Variants in VRK2 observed in about 807,000 individuals in gnomAD.
The protein encoded by VRK2 is serine/threonine-protein kinase VRK2.
In VRK2, 60 loss-of-function variants were observed where a neutral mutation model predicts 57.6. The ratio of observed to expected loss-of-function variants is 1.04; its 90% CI spans 0.85 to 1.29. The LOEUF (loss-of-function observed/expected upper bound fraction) is 1.29. VRK2 is among the 50% of genes most tolerant of loss of function. The pLI, the probability that VRK2 is intolerant of heterozygous loss-of-function variation, is 0.00. For missense variants in VRK2, 705 were observed against 588.1 expected (o/e 1.20, Z -2.06); for synonymous variants, 231 against 199.2 (o/e 1.16, Z -1.35).
chr2:58,048,529 G>A (rs1675215844), intron 1 of VRK2: 15 of 1,334,212 alleles, frequency 1.1e-5, no homozygotes, highest in Non-Finnish European at 1.5e-5. Context: ...TTCTTAAGGT[G>A]TGTCCTGCAC....
intron 7 of VRK2, among the ~76,000 whole-genome samples, chr2:58,107,876 C>T (rs1376137397): frequency 3.3e-5 from 5 of 152,110 alleles, no homozygotes; most frequent in African/African-American, 1.2e-4. Context: ...ATATCAACGT[C>T]GTATCAAGCA....
chr2:58,038,148 G>C, intron 3 of VRK2, among the ~76,000 whole-genome samples: 1 of 152,104 alleles, frequency 6.6e-6, no homozygotes, highest in East Asian at 1.9e-4. Flanking sequence ...TAATCCTCAG[G>C]TGTTGAGGGA....
chr2:58,158,690 C>G (rs1157176068), intron 12 of VRK2, among the ~76,000 whole-genome samples: 2 of 152,134 alleles, frequency 1.3e-5, no homozygotes, highest in African/African-American at 4.8e-5. Context: ...GAAACTGATT[C>G]CTGGGACTTT....
intron 12 of VRK2, among the ~76,000 whole-genome samples, chr2:58,152,634 T>G (rs1484951997): frequency 6.6e-6 from 1 of 151,980 alleles, no homozygotes; most frequent in Non-Finnish European, 1.5e-5. Context: ...ATAGTATATA[T>G]TTCCTGGAAT....
chr2:58,111,207 C>T (rs1042111583), intron 7 of VRK2, among the ~76,000 whole-genome samples: 3 of 152,006 alleles, frequency 2.0e-5, no homozygotes, highest in East Asian at 1.9e-4. Flanking sequence ...GAGTGGCTTA[C>T]GTTGTTTGGG....
upstream of VRK2, among the ~76,000 whole-genome samples, chr2:58,043,728 T>C (rs1674558706): frequency 1.3e-5 from 2 of 152,202 alleles, no homozygotes; most frequent in South Asian, 4.1e-4. Context: ...TGGATACAGG[T>C]TTAGATTTAT....
intron 2 of VRK2, among the ~76,000 whole-genome samples, chr2:58,031,695 C>A (rs530106272): frequency 6.6e-6 from 1 of 152,028 alleles, no homozygotes; most frequent in Non-Finnish European, 1.5e-5. Context: ...AAACTTCTTC[C>A]TAAAATTTTC....
intron 1 of VRK2, among the ~76,000 whole-genome samples, chr2:57,927,926 T>C (rs1201456594): frequency 6.6e-6 from 1 of 152,240 alleles, no homozygotes; most frequent in African/African-American, 2.4e-5. Context: ...TTGAAGTTCC[T>C]TCCTATGTTA....
chr2:58,099,161 T>C (rs1268949451), intron 7 of VRK2, among the ~76,000 whole-genome samples: 1 of 152,078 alleles, frequency 6.6e-6, no homozygotes, highest in Non-Finnish European at 1.5e-5. Context: ...TATCTCCCAG[T>C]GTCACTTGGA....
intron 1 of VRK2, among the ~76,000 whole-genome samples, chr2:57,994,526 A>T (rs1672866383): frequency 6.6e-6 from 1 of 152,212 alleles, no homozygotes; most frequent in Non-Finnish European, 1.5e-5. Context: ...TAACAGAAGA[A>T]CAAAAATACT....
chr2:58,000,280 A>G (rs1270192039), intron 1 of VRK2, among the ~76,000 whole-genome samples: 1 of 152,214 alleles, frequency 6.6e-6, no homozygotes, highest in Non-Finnish European at 1.5e-5. Context: ...AAGTCCCTCA[A>G]TAATTTTACC....
intron 1 of VRK2, among the ~76,000 whole-genome samples, chr2:57,922,333 T>C (rs768878319): frequency 1.3e-5 from 2 of 151,870 alleles, no homozygotes; most frequent in African/African-American, 2.4e-5. Flanking sequence ...TTTAGTGGGG[T>C]TTAATTGAGA....
rs188635500 is a variant in VRK2, at chr2:57,978,117, T to C, written c.-438-47548T>C. On this transcript the variant is annotated intron_variant, in intron 1 of 15. Transcript: ENST00000417641. ...TTTTTTCTACTTTAAGAGTATTGTT[T>C]AATAATGTATGTTACAAAAAAAGGA... 4.8e-4 allele frequency among the ~76,000 whole-genome samples: 72 copies of C among 151,338 alleles called. 6 individuals are homozygous for C. The highest frequency in any genetic ancestry group is 1.7e-3 in the African/African-American group (70 of 40,668).
intron 1 of VRK2, among the ~76,000 whole-genome samples, chr2:57,958,418 T>C (rs1671650471): frequency 1.3e-5 from 2 of 151,356 alleles, no homozygotes; most frequent in Admixed American, 6.6e-5. Flanking sequence ...TATGTGTGTG[T>C]GTGTGTGTGT....
At chr2:57,940,122 A>G (rs912280082) in intron 1 of VRK2, among the ~76,000 whole-genome samples, 1 of 152,152 alleles carries the variant, frequency 6.6e-6, no homozygotes, top group Non-Finnish European at 1.5e-5. Context: ...GAGATTATAT[A>G]TAGAGAGATT....
At chr2:58,064,496 T>C (rs1358542736) in intron 2 of VRK2, among the ~76,000 whole-genome samples, 2 of 152,178 alleles carry the variant, frequency 1.3e-5, no homozygotes, top group Non-Finnish European at 2.9e-5. Flanking sequence ...AATTAAGGCA[T>C]GTACGTTGTT....
chr2:58,009,838 T>C (rs571261703), intron 1 of VRK2, among the ~76,000 whole-genome samples: 20 of 152,272 alleles, frequency 1.3e-4, no homozygotes, highest in African/African-American at 4.1e-4. Flanking sequence ...CTTTCATTTA[T>C]TCTCCATACT....
chr2:58,011,970 C>T (rs946203607), intron 1 of VRK2, among the ~76,000 whole-genome samples: 3 of 152,166 alleles, frequency 2.0e-5, no homozygotes, highest in African/African-American at 7.2e-5. Flanking sequence ...CTAAATCTCA[C>T]ATTAGGGCTC....
intron 1 of VRK2, among the ~76,000 whole-genome samples, chr2:57,997,943 G>T (rs1471607718): frequency 6.6e-6 from 1 of 151,876 alleles, no homozygotes; most frequent in East Asian, 1.9e-4. Flanking sequence ...AAGAAATTAG[G>T]ATATAAATTG....
Sources: gnomAD v4.1 joint callset for allele counts (sites outside exome capture counted in the v4.1 genomes callset) on GRCh38, gnomAD v4.1.1 for gene constraint, MANE v1.5 for transcripts, NCBI Gene and HGNC (gene_info 2026-07-23, HGNC 2026-07-21) for gene names.